The following SSR1 variants were observed in gnomAD, a reference collection of about 807,000 sequenced individuals.
SSR1 encodes the protein signal sequence receptor subunit 1, also known as translocon-associated protein subunit alpha.
A neutral mutation model predicts 36.1 loss-of-function variants in SSR1; 13 were observed. That is an observed-to-expected ratio of 0.36 (90% CI 0.23 to 0.57). The LOEUF is 0.57. Ranked by LOEUF, SSR1 falls within the 20% of genes least tolerant of loss-of-function variation. The pLI is 0.81. For synonymous variants in SSR1, 113 were observed against 118.9 expected, an observed-to-expected ratio of 0.95 and a Z score of 0.32; for missense variants, 291 against 338.5, an observed-to-expected ratio of 0.86 and a Z score of 1.10.
intron 7 of SSR1, 31 bp downstream of exon 7, chr6:7,295,361 A>C (rs1581629400): frequency 6.4e-7 from 1 of 1,551,100 alleles, no homozygotes; most frequent in Non-Finnish European, 8.8e-7. Context: ...TAAGAGAAAA[A>C]CTTCCCAGCC....
chr6:7,311,307 A>G (rs1758190600), intron 1 of SSR1, among the ~76,000 whole-genome samples: 1 of 152,212 alleles, frequency 6.6e-6, no homozygotes, highest in African/African-American at 2.4e-5. Context: ...AAAGAATTTC[A>G]AAGTTCTAGT....
intron 7 of SSR1, 55 bp downstream of exon 7, chr6:7,295,337 A>T: frequency 2.2e-6 from 3 of 1,387,094 alleles, no homozygotes; most frequent in Non-Finnish European, 3.0e-6. Flanking sequence ...AATCTAAGGT[A>T]TTTAATTTCC....
At chr6:7,293,498 G>A (rs1442891621) in intron 7 of SSR1, among the ~76,000 whole-genome samples, 1 of 151,776 alleles carries the variant, frequency 6.6e-6, no homozygotes, top group Non-Finnish European at 1.5e-5. Context: ...GAGTGCAGTG[G>A]CACCATCATG....
Position 7,306,107 on chromosome 6 carries a change from T to C in SSR1, c.193-2470A>G, listed in dbSNP as rs144168105. ...CTGTACCTTGTAAGTTCTGAGCCAT[T>C]TGAATATATCATCTATTTTAAATAA... On this transcript the variant is annotated intron_variant, in intron 2 of 7. Coordinates refer to ENST00000244763, the MANE Select transcript of SSR1 (RefSeq NM_003144.5). Among the ~76,000 whole-genome samples, 402 of 152,342 alleles carry C rather than the reference T, an allele frequency of 2.6e-3. 2 individuals are homozygous for C. Among genetic ancestry groups the C allele is most frequent in the African/African-American group, 9.1e-3 (379 of 41,570 alleles).
At chr6:7,312,891 T>C in intron 1 of SSR1, 151 bp downstream of exon 1, 1 of 742,908 alleles carries the variant, frequency 1.3e-6, no homozygotes, top group Non-Finnish European at 2.2e-6. Flanking sequence ...CCCCTGCTGC[T>C]ACGAGCCTAG....
At chr6:7,312,943 G>C in intron 1 of SSR1, 99 bp downstream of exon 1, 1 of 1,218,538 alleles carries the variant, frequency 8.2e-7, no homozygotes, top group Admixed American at 2.0e-5. Context: ...GGTGGACGCG[G>C]ACCCCAGGAC....
intron 4 of SSR1, among the ~76,000 whole-genome samples, chr6:7,299,087 C>A (rs1457974355): frequency 6.6e-6 from 1 of 152,168 alleles, no homozygotes; most frequent in Non-Finnish European, 1.5e-5. Flanking sequence ...AGGAGGACTG[C>A]TTGAACCCAG....
At chr6:7,296,598 A>G (rs918914987) in intron 6 of SSR1, among the ~76,000 whole-genome samples, 1 of 152,098 alleles carries the variant, frequency 6.6e-6, no homozygotes, top group African/African-American at 2.4e-5. Flanking sequence ...AAAATTGTTT[A>G]TATTTTCCCA....
chr6:7,301,220 C>G lies in SSR1; in HGVS notation c.543+90G>C, dbSNP rs935581205. 7 of 1,460,940 alleles carry G rather than the reference C, an allele frequency of 4.8e-6. No homozygotes were observed. The South Asian group carries it at 8.2e-5, about 17-fold the overall frequency. 90.5% of individuals were successfully genotyped at this position (1,460,940 alleles called of 1,614,324 possible). On this transcript the variant is annotated intron_variant, in intron 4 of 7. Coordinates refer to ENST00000244763, the MANE Select transcript of SSR1 (RefSeq NM_003144.5). The stretch of plus-strand genomic sequence containing the variant: ...ATCACAGGTTCAACCACAAAACAGG[C>G]AACTGAATGAACAGATATATTCTAT...
intron 7 of SSR1, among the ~76,000 whole-genome samples, chr6:7,291,508 C>G (rs1757680494): frequency 6.6e-6 from 1 of 152,192 alleles, no homozygotes; most frequent in Non-Finnish European, 1.5e-5. Flanking sequence ...ACTGCTCTCA[C>G]TACTTCATTA....
At chr6:7,306,712 C>A (rs553247140) in intron 2 of SSR1, among the ~76,000 whole-genome samples, 2 of 151,174 alleles carry the variant, frequency 1.3e-5, no homozygotes, top group South Asian at 2.1e-4. Context: ...GTCAGGAGAT[C>A]GAGACCATCC....
chr6:7,287,980 CT>C lies in SSR1; in HGVS notation c.*1883del, dbSNP rs1402036729. ...TACATTTCCGAGGCACTAATTTGAA[CT>C]TCAGAAGTGGGAGGGCTGATATGTA... On this transcript the variant is annotated 3_prime_UTR_variant, in exon 8 of 8. Coordinates refer to ENST00000244763, the MANE Select transcript of SSR1 (RefSeq NM_003144.5). The C allele has an allele frequency of 6.6e-6, 1 of 151,718 alleles. No individual in the cohort carries two copies. Among genetic ancestry groups the C allele is most frequent in the African/African-American group, 2.4e-5 (1 of 41,272 alleles). 9.4% of individuals were successfully genotyped at this position (151,718 alleles called of 1,614,324 possible). A position where few individuals can be genotyped will look rare whatever the true frequency, so the allele number is the denominator to read the frequency against.
intron 5 of SSR1, among the ~76,000 whole-genome samples, chr6:7,298,389 C>T (rs551022211): frequency 1.3e-5 from 2 of 152,274 alleles, no homozygotes; most frequent in African/African-American, 2.4e-5. Flanking sequence ...AGAACACTTA[C>T]ATTTTTCAAG....
chr6:7,309,446 A>G (rs1442957564), intron 2 of SSR1, among the ~76,000 whole-genome samples: 1 of 152,244 alleles, frequency 6.6e-6, no homozygotes, highest in Non-Finnish European at 1.5e-5. Context: ...TGGGGAACAG[A>G]GCAAGTCTCT....
chr6:7,291,482 GAA>G (rs1456657318), intron 7 of SSR1, among the ~76,000 whole-genome samples: 1 of 152,070 alleles, frequency 6.6e-6, no homozygotes, highest in African/African-American at 2.4e-5. Context: ...TTTCAAGTGT[GAA>G]AAAAACCCAG....
At chr6:7,311,120 T>A (rs555879365) in intron 1 of SSR1, among the ~76,000 whole-genome samples, 6 of 152,186 alleles carry the variant, frequency 3.9e-5, no homozygotes, top group African/African-American at 1.4e-4. Flanking sequence ...TCAGGTTTGA[T>A]AGCAAAGAAA....
intron 7 of SSR1, among the ~76,000 whole-genome samples, chr6:7,292,461 C>G (rs1459290655): frequency 6.6e-6 from 1 of 152,244 alleles, no homozygotes; most frequent in Non-Finnish European, 1.5e-5. Context: ...CCAGTGACTT[C>G]TGTGCTTTAC....
At chr6:7,295,650 C>G (rs542473449) in intron 6 of SSR1, among the ~76,000 whole-genome samples, 165 bp from the exon 7 acceptor site, 1 of 152,184 alleles carries the variant, frequency 6.6e-6, no homozygotes, top group Non-Finnish European at 1.5e-5. Context: ...ACTATAGGCA[C>G]ATACTATCAT....
chr6:7,306,968 G>A (rs972914840), intron 2 of SSR1, among the ~76,000 whole-genome samples: 45 of 136,878 alleles, frequency 3.3e-4, no homozygotes, highest in African/African-American at 1.2e-3. Flanking sequence ...AAAAAAAAAG[G>A]TTTGTCCTCA....
Sources: gnomAD v4.1 joint callset for allele counts (sites outside exome capture counted in the v4.1 genomes callset) on GRCh38, gnomAD v4.1.1 for gene constraint, MANE v1.5 for transcripts, NCBI Gene and HGNC (gene_info 2026-07-23, HGNC 2026-07-21) for gene names.